The following AIG1 variants were observed in gnomAD, a reference collection of about 807,000 sequenced individuals.
AIG1 encodes the protein androgen-induced gene 1 protein.
A neutral mutation model predicts 31.4 loss-of-function variants in AIG1; 23 were observed. That is an observed-to-expected ratio of 0.73 (90% confidence interval 0.53 to 1.04). The LOEUF is 1.04. AIG1 is among the 50% of genes least tolerant of loss of function. The pLI, the probability that AIG1 is intolerant of heterozygous loss-of-function variation, is 0.00. For missense variants in AIG1, 274 were observed against 295.0 expected, an observed-to-expected ratio of 0.93 and a Z score of 0.52; for synonymous variants, 100 against 110.5, an observed-to-expected ratio of 0.90 and a Z score of 0.60.
At chr6:143,336,218 C>T (rs1777480292) in intron 5 of AIG1, among the ~76,000 whole-genome samples, 1 of 152,176 alleles carries the variant, frequency 6.6e-6, no homozygotes, top group Non-Finnish European at 1.5e-5. Flanking sequence ...GAGCCACCCT[C>T]CTTTTTCCAT....
chr6:143,288,356 T>A lies in AIG1; in HGVS notation c.515+4131T>A, dbSNP rs554138940. 6.6e-6 allele frequency among the ~76,000 whole-genome samples: 1 copy of A among 152,190 alleles called. No individual in the cohort carries two copies. Among genetic ancestry groups the A allele is most frequent in the Non-Finnish European group, 1.5e-5 (1 of 68,042 alleles). The stretch of plus-strand genomic sequence containing the variant: ...GGGTTTCTCATTCAATCAGAGCCCA[T>A]GTGAGATCTCAGAAGCCATGTATAA... On this transcript the variant is annotated intron_variant, in intron 4 of 5. Coordinates refer to ENST00000357847, the MANE Select transcript of AIG1 (RefSeq NM_016108.4). This position sits in a 1 kb window ranked among gnomAD's most constrained non-coding sequence, Gnocchi z 4.4.
intron 3 of AIG1, among the ~76,000 whole-genome samples, chr6:143,282,836 C>T (rs1477393654): frequency 6.6e-6 from 1 of 152,212 alleles, no homozygotes; most frequent in East Asian, 1.9e-4. Context: ...ATGCCTTTTG[C>T]CTGCCAAGGC....
chr6:143,171,411 TATATATATATAATATATATA>T lies in AIG1; in HGVS notation c.399+6249_399+6268del, dbSNP rs1233072951. ...GCTGCGTAGTATTCAATAGTGTGTG[TATATATATATAATATATATA>T]ATATATATATAATATATATATTTAA... On this transcript the variant is annotated intron_variant, in intron 3 of 5. Coordinates refer to ENST00000357847, the MANE Select transcript of AIG1 (RefSeq NM_016108.4). Among the ~76,000 whole-genome samples the T allele has an allele frequency of 1.1e-3, 139 of 123,184 alleles. 1 individual carries two copies. Among genetic ancestry groups the T allele is most frequent in the Non-Finnish European group, 1.4e-3 (89 of 62,472 alleles). The allele number at this position is 123,184 out of a possible 152,430, so 80.8% of individuals were successfully genotyped here.
At chr6:143,226,942 C>G (rs1793006004) in intron 3 of AIG1, among the ~76,000 whole-genome samples, 2 of 151,980 alleles carry the variant, frequency 1.3e-5, no homozygotes, top group Admixed American at 1.3e-4. Context: ...TGAATGCTAC[C>G]CAACACAAAT....
intron 4 of AIG1, among the ~76,000 whole-genome samples, chr6:143,307,509 C>T (rs1357383523): frequency 6.6e-6 from 1 of 152,220 alleles, no homozygotes; most frequent in African/African-American, 2.4e-5. Flanking sequence ...GGCTGCAGAA[C>T]AGTGGATTTT....
chr6:143,202,597 T>C (rs1790786886), intron 3 of AIG1, among the ~76,000 whole-genome samples: 1 of 152,306 alleles, frequency 6.6e-6, no homozygotes. Flanking sequence ...AGAAGCTTCT[T>C]GTCCCAAAAG....
intron 3 of AIG1, among the ~76,000 whole-genome samples, chr6:143,230,933 T>G (rs1359635874): frequency 6.6e-6 from 1 of 152,216 alleles, no homozygotes; most frequent in Non-Finnish European, 1.5e-5. Flanking sequence ...CAATTAACTT[T>G]CACACCTCCC....
chr6:143,060,875 C>A, upstream of AIG1: 1 of 1,276,800 alleles, frequency 7.8e-7, no homozygotes. Flanking sequence ...CCCGGCGCCT[C>A]CCTCACGCCC....
intron 3 of AIG1, among the ~76,000 whole-genome samples, chr6:143,218,814 C>A (rs1370823060): frequency 6.6e-6 from 1 of 152,148 alleles, no homozygotes; most frequent in Non-Finnish European, 1.5e-5. Context: ...ACTTTCTGAC[C>A]CCTGATTCCA....
rs147680130 is a variant in AIG1 at position 143,259,399 on chromosome 6, C to T, written c.400-24711C>T. ...CTTCCCCTTGTCTTCCCTGATACTA[C>T]ACTTTCTGGTTTTCCTTTCATCTCT... On this transcript the variant is annotated intron_variant, in intron 3 of 5. Coordinates refer to ENST00000357847, the MANE Select transcript of AIG1 (RefSeq NM_016108.4). 2.9e-3 allele frequency among the ~76,000 whole-genome samples: 449 copies of T among 152,284 alleles called. 4 individuals are homozygous for T. Among genetic ancestry groups the T allele is most frequent in the African/African-American group, 0.01 (429 of 41,560 alleles).
At chr6:143,078,125 T>C (rs1777898155) in intron 1 of AIG1, among the ~76,000 whole-genome samples, 1 of 152,242 alleles carries the variant, frequency 6.6e-6, no homozygotes, top group South Asian at 2.1e-4. Context: ...ACTGACTCTT[T>C]CCACTGTCAT....
intron 1 of AIG1, among the ~76,000 whole-genome samples, chr6:143,125,014 T>C (rs1782573574): frequency 6.6e-6 from 1 of 152,210 alleles, no homozygotes; most frequent in African/African-American, 2.4e-5. Context: ...TTTTGTTTTT[T>C]TGGGGTACTC....
At chr6:143,202,121 A>C (rs910477610) in intron 3 of AIG1, among the ~76,000 whole-genome samples, 1 of 152,198 alleles carries the variant, frequency 6.6e-6, no homozygotes. Flanking sequence ...CGTGTTGCCG[A>C]GAAACGACTT....
intron 1 of AIG1, among the ~76,000 whole-genome samples, chr6:143,082,118 G>A (rs1322124086): frequency 6.6e-6 from 1 of 152,188 alleles, no homozygotes; most frequent in Non-Finnish European, 1.5e-5. Context: ...CATGGGCATG[G>A]AGGACTAGGT....
chr6:143,122,960 G>A (rs923227275), intron 1 of AIG1, among the ~76,000 whole-genome samples: 2 of 152,024 alleles, frequency 1.3e-5, no homozygotes, highest in African/African-American at 4.8e-5. Flanking sequence ...GATACCCTCA[G>A]TGCCCCAGTG....
chr6:143,311,999 A>T (rs1775320621), intron 4 of AIG1, among the ~76,000 whole-genome samples: 2 of 152,030 alleles, frequency 1.3e-5, no homozygotes, highest in Admixed American at 6.6e-5. Flanking sequence ...AATCAACTTA[A>T]CAAAGACGTG....
At chr6:143,070,782 C>G (rs1236578141) in intron 1 of AIG1, among the ~76,000 whole-genome samples, 1 of 152,164 alleles carries the variant, frequency 6.6e-6, no homozygotes, top group African/African-American at 2.4e-5. Flanking sequence ...CTTAAAAGGC[C>G]TTACTTCTTA....
chr6:143,190,494 C>CTT (rs1789693413), intron 3 of AIG1: 3 of 985,242 alleles, frequency 3.0e-6, no homozygotes, highest in Non-Finnish European at 3.6e-6. Flanking sequence ...AATATCTTCA[C>CTT]TTTTAAGTTA....
intron 1 of AIG1, among the ~76,000 whole-genome samples, chr6:143,071,173 T>A (rs1777217557): frequency 6.6e-6 from 1 of 152,238 alleles, no homozygotes; most frequent in African/African-American, 2.4e-5. Context: ...ATATTGTGTA[T>A]CCATAACCAT....
Sources: allele counts gnomAD v4.1 joint callset (sites outside exome capture counted in the v4.1 genomes callset), GRCh38; gene constraint gnomAD v4.1.1; non-coding constraint Gnocchi (gnomAD v3.1); transcripts MANE v1.5; gene names NCBI Gene and HGNC (gene_info 2026-07-23, HGNC 2026-07-21).